The following ADCK1 variants were observed in gnomAD, a reference collection of about 807,000 sequenced individuals.
The protein encoded by ADCK1 is aarF domain containing kinase 1, also known as aarF domain-containing protein kinase 1.
In ADCK1, 41 loss-of-function variants were observed where a neutral mutation model predicts 52.3. The observed-to-expected ratio is 0.78, with a 90% CI of 0.61 to 1.02. The LOEUF (loss-of-function observed/expected upper bound fraction) is 1.02. Ranked by LOEUF, ADCK1 falls within the 50% of genes least tolerant of loss-of-function variation. ADCK1 has a pLI of 0.00. For missense variants in ADCK1, 658 were observed against 679.5 expected (o/e 0.97, Z 0.35); for synonymous variants, 250 against 274.6 (o/e 0.91, Z 0.89).
At chr14:77,864,108 C>T (rs544809885) in intron 4 of ADCK1, among the ~76,000 whole-genome samples, 2 of 152,190 alleles carry the variant, frequency 1.3e-5, no homozygotes, top group Admixed American at 6.5e-5. Context: ...CCCCATAGTA[C>T]GTAGGGACAA....
chr14:77,802,601 G>A (rs1168611630), intron 1 of ADCK1, among the ~76,000 whole-genome samples: 1 of 151,150 alleles, frequency 6.6e-6, no homozygotes, highest in African/African-American at 2.4e-5. Flanking sequence ...AATCAACATT[G>A]ATTTAAGGAC....
chr14:77,885,822 G>T (rs1183564374), intron 4 of ADCK1, among the ~76,000 whole-genome samples: 2 of 152,196 alleles, frequency 1.3e-5, no homozygotes, highest in Non-Finnish European at 2.9e-5. Flanking sequence ...TTAAAGAAAT[G>T]GAGAGGATTA....
chr14:77,921,784 A>G lies in ADCK1; in HGVS notation c.859-2673A>G, dbSNP rs114478867. Among the ~76,000 whole-genome samples, 806 of 151,854 alleles carry G rather than the reference A, an allele frequency of 5.3e-3. 12 individuals are homozygous for G. The highest frequency in any genetic ancestry group is 0.018 in the African/African-American group (754 of 41,510). On this transcript the variant is annotated intron_variant, in intron 7 of 10. Transcript: ENST00000238561. ...CCCCACCCTTCCCAACCCCACCAGC[A>G]GCAGCTCACTCCTCAGAGGCAAGGG...
chr14:77,906,571 A>T (rs1044508192), intron 6 of ADCK1, among the ~76,000 whole-genome samples: 1 of 152,186 alleles, frequency 6.6e-6, no homozygotes, highest in African/African-American at 2.4e-5. Flanking sequence ...TAAACAAAAG[A>T]ATTTGTTGTC....
chr14:77,874,589 T>C (rs1310581174), intron 4 of ADCK1, among the ~76,000 whole-genome samples: 2 of 152,086 alleles, frequency 1.3e-5, no homozygotes, highest in Non-Finnish European at 1.5e-5. Flanking sequence ...GGCTTGGGTG[T>C]CCACAGGCAG....
chr14:77,874,969 TGG>T (rs2082866405), intron 4 of ADCK1, among the ~76,000 whole-genome samples: 1 of 152,026 alleles, frequency 6.6e-6, no homozygotes, highest in Non-Finnish European at 1.5e-5. Context: ...GGAAAGAGCC[TGG>T]GTCTGTCCAG....
chr14:77,813,019 T>C (rs1247112102), intron 1 of ADCK1, among the ~76,000 whole-genome samples: 1 of 152,084 alleles, frequency 6.6e-6, no homozygotes, highest in Non-Finnish European at 1.5e-5. Flanking sequence ...ATTTTTTTTT[T>C]GAGGCGAAGT....
intron 7 of ADCK1, 85 bp downstream of exon 7, chr14:77,908,004 G>A (rs937233505): frequency 9.0e-7 from 1 of 1,111,022 alleles, no homozygotes; most frequent in Non-Finnish European, 1.3e-6. Context: ...GTCCAGGTGA[G>A]GCCTCAGAGT....
Position 77,933,883 on chromosome 14 carries a change from T to G in ADCK1, c.*492T>G, listed in dbSNP as rs187625285. ...TCTGGGGCCAACTCCATTACAGCTA[T>G]GAGCTCACTGCTGTCAGTGACGTTT... On this transcript the variant is annotated 3_prime_UTR_variant, in exon 11 of 11. Coordinates refer to ENST00000238561, the MANE Select transcript of ADCK1 (RefSeq NM_020421.4). The G allele has an allele frequency of 6.3e-6, 1 of 159,768 alleles. No individual in the cohort carries two copies. Among genetic ancestry groups the G allele is most frequent in the East Asian group, 1.8e-4 (1 of 5,698 alleles). The allele number at this position is 159,768 out of a possible 1,614,324, so 9.9% of individuals were successfully genotyped here.
At chr14:77,803,958 C>T (rs1461008239) in intron 1 of ADCK1, among the ~76,000 whole-genome samples, 1 of 152,202 alleles carries the variant, frequency 6.6e-6, no homozygotes, top group Non-Finnish European at 1.5e-5. Context: ...TGGGACAAAT[C>T]TCTCACCCTC....
intron 3 of ADCK1, among the ~76,000 whole-genome samples, chr14:77,851,013 C>T (rs753565722): frequency 2.6e-5 from 4 of 151,750 alleles, no homozygotes; most frequent in Non-Finnish European, 4.4e-5. Context: ...CAGTTTTTGC[C>T]ATTACTTTTA....
At chr14:77,818,729 T>C (rs575762706) in intron 1 of ADCK1, among the ~76,000 whole-genome samples, 2 of 152,258 alleles carry the variant, frequency 1.3e-5, no homozygotes, top group South Asian at 2.1e-4. Context: ...AAGGAAGGAC[T>C]TTGAGGACTG....
chr14:77,893,958 C>T (rs2083340161), intron 5 of ADCK1, among the ~76,000 whole-genome samples: 1 of 151,952 alleles, frequency 6.6e-6, no homozygotes, highest in African/African-American at 2.4e-5. Flanking sequence ...GGTCTTAAAC[C>T]CTGACCTCAG....
At chr14:77,910,857 T>C (rs2083775750) in intron 7 of ADCK1, among the ~76,000 whole-genome samples, 1 of 152,160 alleles carries the variant, frequency 6.6e-6, no homozygotes, top group African/African-American at 2.4e-5. Flanking sequence ...GCCTCCCCGC[T>C]CTTTTGATAC....
chr14:77,830,456 AT>A (rs1383784587), intron 3 of ADCK1, among the ~76,000 whole-genome samples: 3 of 150,100 alleles, frequency 2.0e-5, no homozygotes, highest in African/African-American at 4.9e-5. Flanking sequence ...TGCCTCGCCA[AT>A]TTTTTTTTTA....
At chr14:77,836,769 C>CTTTTTTTTTTTTTT (rs1293120244) in intron 3 of ADCK1, among the ~76,000 whole-genome samples, 3 of 75,278 alleles carry the variant, frequency 4.0e-5, no homozygotes, top group African/African-American at 9.0e-5. Context: ...TTCTTTCTTT[C>CTTTTTTTTTTTTTT]TTTCTTTTTT....
chr14:77,887,190 G>C lies in ADCK1; in HGVS notation c.523G>C (p.Val175Leu), dbSNP rs56314853. 1 of 1,610,022 alleles carries C rather than the reference G, an allele frequency of 6.2e-7. No individual in the cohort carries two copies. Among genetic ancestry groups the C allele is most frequent in the Non-Finnish European group, 8.5e-7 (1 of 1,178,072 alleles). The change falls in exon 5 of 11, where the codon GTG becomes CTG. Residue 175 changes from valine (V) to leucine (L), a missense_variant. By Grantham distance (32) the Val-to-Leu change is conservative. Transcript: ENST00000238561. ...GCTGCATGATGGGCGGACGGTGGCC[G>C]TGAAGGTCCAGCACCCAAAGGTGCG... ...AVLHDGRTVAVKVQHPKVRAQ... is the reference protein window; with the variant it reads ...AVLHDGRTVALKVQHPKVRAQ...
At chr14:77,847,576 A>G (rs2082197285) in intron 3 of ADCK1, among the ~76,000 whole-genome samples, 1 of 152,154 alleles carries the variant, frequency 6.6e-6, no homozygotes, top group African/African-American at 2.4e-5. Context: ...TCAAACAAAC[A>G]AAAAACCCCA....
chr14:77,859,936 G>A (rs931021999), intron 4 of ADCK1, among the ~76,000 whole-genome samples: 12 of 152,208 alleles, frequency 7.9e-5, no homozygotes, highest in African/African-American at 1.2e-4. Flanking sequence ...CAAACTCACT[G>A]TGTTGTCTTA....
Sources: allele counts gnomAD v4.1 joint callset (sites outside exome capture counted in the v4.1 genomes callset), GRCh38; gene constraint gnomAD v4.1.1; transcripts MANE v1.5; gene names NCBI Gene and HGNC (gene_info 2026-07-23, HGNC 2026-07-21).